Variants in AMER1 observed in about 807,000 individuals in gnomAD.
The protein encoded by AMER1 is APC membrane recruitment protein 1.
In AMER1, 16 loss-of-function variants were observed where a neutral mutation model predicts 53.0. The observed-to-expected ratio is 0.30, with a 90% CI of 0.20 to 0.46. The LOEUF is 0.46. Among genes scored for constraint, AMER1 ranks in the 20% least tolerant of loss-of-function variants. The pLI is 1.00. For synonymous variants in AMER1, 354 were observed against 331.9 expected, an observed-to-expected ratio of 1.07 and a Z score of -0.73; for missense variants, 947 against 884.9, an observed-to-expected ratio of 1.07 and a Z score of -0.89.
At position 64,190,062 on chromosome X, in the gene AMER1, G is replaced by A. The variant is rs1281353484; in HGVS notation, c.3225C>T (p.Ala1075=). 1 of 1,202,457 alleles carries A rather than the reference G, an allele frequency of 8.3e-7. No homozygotes were observed. The highest frequency in any genetic ancestry group is 1.1e-6 in the Non-Finnish European group (1 of 891,171). Residue 1075 remains alanine, a synonymous_variant, in exon 2 of 2, where the codon GCC becomes GCT. Transcript: ENST00000374869. ...TGCCATGGGTGATGCCCACAGGCTTGGCCTGTGGTAGAGGGCTGGGGCTGA... is the reference window on the plus strand; with the variant it reads ...TGCCATGGGTGATGCCCACAGGCTTAGCCTGTGGTAGAGGGCTGGGGCTGA... ...GGFSPSPLPQ[A]KPVGITHGIP... is the part of the protein sequence containing the mutation.
Position 64,188,584 on chromosome X carries a change from T to C in AMER1, c.*1295A>G, listed in dbSNP as rs1930156034. 1 of 803,303 alleles carries C rather than the reference T, an allele frequency of 1.2e-6. No homozygotes were observed. 66.2% of individuals were successfully genotyped at this position (803,303 alleles called of 1,213,427 possible). On this transcript the variant is annotated 3_prime_UTR_variant, in exon 2 of 2. Transcript: ENST00000374869. ...GCCCAGAACAGCAGCTGAGATGCCTTTGGTATCCTGTCTTGGGAGTGCAAA... is the reference window on the plus strand; with the variant it reads ...GCCCAGAACAGCAGCTGAGATGCCTCTGGTATCCTGTCTTGGGAGTGCAAA...
At chrX:64,197,170 C>T (rs892224808) in intron 1 of AMER1, among the ~76,000 whole-genome samples, 3 of 112,819 alleles carry the variant, frequency 2.7e-5, no homozygotes, top group Non-Finnish European at 5.6e-5. Context: ...GCCCCACAAC[C>T]CTCATGTTCC....
chrX:64,192,223 C>G lies in AMER1; in HGVS notation c.1064G>C (p.Gly355Ala), dbSNP rs2147089130. 1 of 1,212,146 alleles carries G rather than the reference C, an allele frequency of 8.2e-7. No individual in the cohort carries two copies. The highest frequency in any genetic ancestry group is 1.1e-6 in the Non-Finnish European group (1 of 895,619). Residue 355 changes from glycine (G) to alanine (A), a missense_variant, in exon 2 of 2, where the codon GGG becomes GCG. By Grantham distance (60) the Gly-to-Ala change is moderately conservative. Coordinates refer to ENST00000374869, the MANE Select transcript of AMER1 (RefSeq NM_152424.4). ...ASGGQRANRD[G>A]TKRSSCLVTY... ...CACCAGGCAGGAACTTCGCTTGGTC[C>G]CATCTCGGTTTGCTCTCTGGCCCCC...
intron 1 of AMER1, among the ~76,000 whole-genome samples, chrX:64,203,259 T>C (rs774180030): frequency 8.9e-6 from 1 of 111,828 alleles, no homozygotes; most frequent in Admixed American, 9.5e-5. Context: ...TCATCCCCCT[T>C]CTAATCCATC....
At chrX:64,201,252 T>G (rs985075279) in intron 1 of AMER1, among the ~76,000 whole-genome samples, 1 of 111,088 alleles carries the variant, frequency 9.0e-6, no homozygotes, top group African/African-American at 3.3e-5. Context: ...TTCCCCTGCC[T>G]GCCTTTGCTA....
rs1388983033 is a variant in AMER1, at chrX:64,187,547, T to G, written c.*2332A>C. On this transcript the variant is annotated 3_prime_UTR_variant, in exon 2 of 2. Transcript: ENST00000374869. ...AGCCAAAGGTTGGCCACCTCCTTTTTCTCTTCCCAGATAGGCTGGTGGCCC... is the reference window on the plus strand; with the variant it reads ...AGCCAAAGGTTGGCCACCTCCTTTTGCTCTTCCCAGATAGGCTGGTGGCCC... 23 of 777,836 alleles carry G rather than the reference T, an allele frequency of 3.0e-5. No homozygotes were observed. In the South Asian group the frequency reaches 1.3e-3, roughly 43 times the overall value. 64.1% of individuals were successfully genotyped at this position (777,836 alleles called of 1,213,427 possible).
At position 64,190,569 on chromosome X, in the gene AMER1, G is replaced by C. The variant is rs1036846391; in HGVS notation, c.2718C>G (p.Leu906=). 2.5e-6 allele frequency: 3 copies of C among 1,211,935 alleles called. No homozygotes were observed. Among genetic ancestry groups the C allele is most frequent in the Non-Finnish European group, 3.4e-6 (3 of 895,445 alleles). ...AGCCCTGGACCAAGTGGGAATTGGAGAGCTCCATCTCCAGGGTCTCTGCAG... is the reference window on the plus strand; with the variant it reads ...AGCCCTGGACCAAGTGGGAATTGGACAGCTCCATCTCCAGGGTCTCTGCAG... ...LDTAETLEME[L]SNSHLVQGYL... is the part of the protein sequence containing the mutation. Residue 906 remains leucine (L), a synonymous_variant, in exon 2 of 2, where the codon CTC becomes CTG. Coordinates refer to ENST00000374869, the MANE Select transcript of AMER1 (RefSeq NM_152424.4).
At position 64,188,376 on chromosome X, in the gene AMER1, A is replaced by G; in HGVS notation, c.*1503T>C. On this transcript the variant is annotated 3_prime_UTR_variant, in exon 2 of 2. Coordinates refer to ENST00000374869, the MANE Select transcript of AMER1 (RefSeq NM_152424.4). ...AGCTTGGCAAGATTAGCCTGTTCCAATGTCTTCCTGACAGCAAGCTCTTCC... is the reference window on the plus strand; with the variant it reads ...AGCTTGGCAAGATTAGCCTGTTCCAGTGTCTTCCTGACAGCAAGCTCTTCC... The G allele has an allele frequency of 1.2e-6, 1 of 803,914 alleles. No homozygotes were observed. The highest frequency in any genetic ancestry group is 2.2e-5 in the African/African-American group (1 of 46,168). The allele number at this position is 803,914 out of a possible 1,213,427, so 66.3% of individuals were successfully genotyped here.
At chrX:64,195,662 C>T (rs897313630) in intron 1 of AMER1, among the ~76,000 whole-genome samples, 6 of 112,091 alleles carry the variant, frequency 5.4e-5, no homozygotes, top group African/African-American at 1.9e-4. Flanking sequence ...CTAACAAATG[C>T]CTGATGATCT....
Position 64,191,074 on chromosome X carries a change from C to G in AMER1, c.2213G>C (p.Gly738Ala), listed in dbSNP as rs1246533879. ...AGGGTAGGCCCTCCTGGGAGATCCT[C>G]CAAAATTTGCTTCTTGCATGTCTGG... Reference protein sequence around the residue: ...FEPDMQEANFGGSPRRAYPTY... With the variant: ...FEPDMQEANFAGSPRRAYPTY... Residue 738 changes from glycine (G) to alanine (A), a missense_variant, in exon 2 of 2, where the codon GGA becomes GCA. Physicochemically the swap from Gly to Ala is moderately conservative, Grantham distance 60 (BLOSUM62 0). Coordinates refer to ENST00000374869, the MANE Select transcript of AMER1 (RefSeq NM_152424.4). 1 of 1,210,611 alleles carries G rather than the reference C, an allele frequency of 8.3e-7. No homozygotes were observed. Among genetic ancestry groups the G allele is most frequent in the African/African-American group, 1.7e-5 (1 of 57,344 alleles).
At position 64,190,465 on chromosome X, in the gene AMER1, C is replaced by T. The variant is rs759099324; in HGVS notation, c.2822G>A (p.Ser941Asn). 1.7e-6 allele frequency: 2 copies of T among 1,211,997 alleles called. No homozygotes were observed. The highest frequency in any genetic ancestry group is 1.1e-6 in the Non-Finnish European group (1 of 895,572). The change falls in exon 2 of 2, where the codon AGC (serine) becomes AAC (asparagine). Residue 941 changes from serine to asparagine, a missense_variant. Physicochemically the swap from Ser to Asn is conservative, Grantham distance 46. Transcript: ENST00000374869. Reference protein sequence around the residue: ...EDEEEEEGEWSRDSPLSLYTE... With the variant: ...EDEEEEEGEWNRDSPLSLYTE... ...ATAGAGGGAAAGGGGACTGTCTCGG[C>T]TCCATTCTCCTTCTTCCTCCTCTTC...
intron 1 of AMER1, among the ~76,000 whole-genome samples, chrX:64,200,325 G>A (rs1414242345): frequency 8.9e-6 from 1 of 111,977 alleles, no homozygotes; most frequent in Non-Finnish European, 1.9e-5. Flanking sequence ...ACCCTACAGA[G>A]GAGCAGCTGG....
Position 64,189,793 on chromosome X carries a change from A to AGGGGGGCCCCCCCCCCCCC in AMER1, c.*85_*86insGGGGGGGGGGGGGCCCCCC. 2 of 292,073 alleles carry AGGGGGGCCCCCCCCCCCCC rather than the reference A, an allele frequency of 6.8e-6. No individual in the cohort carries two copies. Among genetic ancestry groups the AGGGGGGCCCCCCCCCCCCC allele is most frequent in the Non-Finnish European group, 9.8e-6 (2 of 204,831 alleles). The allele number at this position is 292,073 out of a possible 1,213,427, so 24.1% of individuals were successfully genotyped here. A position where few individuals can be genotyped will look rare whatever the true frequency, so the allele number is the denominator to read the frequency against. ...CAAAGGGTTTTCAAGTTAAACAACA[A>AGGGGGGCCCCCCCCCCCCC]CCCCCACCCCCCCACCCTTCTGCCC... On this transcript the variant is annotated 3_prime_UTR_variant, in exon 2 of 2. Coordinates refer to ENST00000374869, the MANE Select transcript of AMER1 (RefSeq NM_152424.4).
intron 1 of AMER1, among the ~76,000 whole-genome samples, chrX:64,204,869 C>A (rs1483578115): frequency 8.8e-6 from 1 of 113,232 alleles, no homozygotes; most frequent in Non-Finnish European, 1.9e-5. Flanking sequence ...CGGGGGCGGG[C>A]GCCAGATGCG....
intron 1 of AMER1, among the ~76,000 whole-genome samples, chrX:64,198,927 G>A (rs749540049): frequency 2.7e-5 from 3 of 112,800 alleles, no homozygotes; most frequent in African/African-American, 9.6e-5. Context: ...TGAAGAAAAT[G>A]ACTTATCAGA....
chrX:64,190,854 G>A lies in AMER1; in HGVS notation c.2433C>T (p.Ile811=), dbSNP rs146952698. ...PELPPMVTFD[I]ADVERDGEGK... ...CTTCCCCATCCCGTTCCACATCAGCGATGTCAAAGGTCACCATGGGAGGCA... is the reference window on the plus strand; with the variant it reads ...CTTCCCCATCCCGTTCCACATCAGCAATGTCAAAGGTCACCATGGGAGGCA... Residue 811 remains isoleucine, a synonymous_variant, in exon 2 of 2, where the codon ATC becomes ATT. Transcript: ENST00000374869. The A allele has an allele frequency of 2.2e-4, 264 of 1,210,248 alleles. 3 individuals are homozygous for A. The East Asian group carries it at 7.1e-3, about 32-fold the overall frequency.
rs1344115371 is a variant in AMER1, at chrX:64,190,215, T to A, written c.3072A>T (p.Ser1024=). Reference sequence around the variant, plus strand: ...AAGGGCCCATGGGCAGGTGTAGGTGTGAGGGACGAGCTAGTTGAGGCCCAG... The same window carrying A: ...AAGGGCCCATGGGCAGGTGTAGGTGAGAGGGACGAGCTAGTTGAGGCCCAG... ...GESGPQLARP[S]HLHLPMGPCY... The change falls in exon 2 of 2, where the codon TCA becomes TCT. Residue 1024 remains serine (S), a synonymous_variant. Transcript: ENST00000374869. The A allele has an allele frequency of 8.3e-7, 1 of 1,211,100 alleles. No homozygotes were observed. Among genetic ancestry groups the A allele is most frequent in the East Asian group, 3.0e-5 (1 of 33,802 alleles).
rs186809344 is a variant in AMER1, at chrX:64,200,195, A to G, written c.-99+5375T>C. ...CGCCTGCATAGGCTTCCACTAAGTCAGTACTAGCCCAGCTAGAGCGAGATC... is the reference window on the plus strand; with the variant it reads ...CGCCTGCATAGGCTTCCACTAAGTCGGTACTAGCCCAGCTAGAGCGAGATC... On this transcript the variant is annotated intron_variant, in intron 1 of 1. Coordinates refer to ENST00000374869, the MANE Select transcript of AMER1 (RefSeq NM_152424.4). Among the ~76,000 whole-genome samples the G allele has an allele frequency of 3.5e-5, 4 of 112,743 alleles. No homozygotes were observed. In the East Asian group the frequency reaches 1.1e-3, roughly 32 times the overall value.
rs1414927933 is a variant in AMER1, at chrX:64,191,394, T to C, written c.1893A>G (p.Arg631=). 1 of 1,211,462 alleles carries C rather than the reference T, an allele frequency of 8.3e-7. No homozygotes were observed. The highest frequency in any genetic ancestry group is 3.0e-5 in the East Asian group (1 of 33,805). Residue 631 remains arginine (R), a synonymous_variant, in exon 2 of 2, where the codon CGA becomes CGG. Coordinates refer to ENST00000374869, the MANE Select transcript of AMER1 (RefSeq NM_152424.4). The stretch of plus-strand genomic sequence containing the variant: ...CTTGAGTCTCTCTACAACGAACCTC[T>C]CGGGCCTGGGCTTCTCGGGTTCTGG... ...REARTREAQA[R]EVRCRETQVR...
Sources: allele counts gnomAD v4.1 joint callset (sites outside exome capture counted in the v4.1 genomes callset), GRCh38; gene constraint gnomAD v4.1.1; transcripts MANE v1.5; gene names NCBI Gene and HGNC (gene_info 2026-07-23, HGNC 2026-07-21).